Variants in DZIP3 observed in about 807,000 individuals in gnomAD.
DZIP3 encodes E3 ubiquitin-protein ligase DZIP3.
DZIP3 carries 118 observed loss-of-function variants against 162.0 expected under a neutral mutation model. That is an observed-to-expected ratio of 0.73 (90% CI 0.63 to 0.85). The LOEUF is 0.85. Ranked by LOEUF, DZIP3 falls within the 40% of genes least tolerant of loss-of-function variation. The pLI is 0.00. For missense variants in DZIP3, 1,331 were observed against 1,407.0 expected (o/e 0.95, Z 0.86); for synonymous variants, 438 against 458.6 (o/e 0.96, Z 0.57).
intron 3 of DZIP3, among the ~76,000 whole-genome samples, chr3:108,609,042 C>G (rs759563914): frequency 6.6e-6 from 1 of 152,062 alleles, no homozygotes; most frequent in African/African-American, 2.4e-5. Context: ...AGGTGCCACA[C>G]ACTTTTAAAC....
intron 18 of DZIP3, 36 bp downstream of exon 18, chr3:108,651,198 T>G: frequency 1.5e-6 from 1 of 685,036 alleles, no homozygotes; most frequent in Non-Finnish European, 2.0e-6. Flanking sequence ...AAATTTTTCT[T>G]AGTATTTTTA....
Position 108,648,941 on chromosome 3 carries a change from G to A in DZIP3, c.1986G>A (p.Lys662=), listed in dbSNP as rs1218638427. 1 of 1,163,768 alleles carries A rather than the reference G, an allele frequency of 8.6e-7. No homozygotes were observed. Among genetic ancestry groups the A allele is most frequent in the Non-Finnish European group, 1.1e-6 (1 of 877,916 alleles). 72.1% of individuals were successfully genotyped at this position (1,163,768 alleles called of 1,614,324 possible). The change falls in exon 17 of 33, where the codon AAG becomes AAA. Residue 662 remains lysine (K), a synonymous_variant. Transcript: ENST00000361582. Reference sequence around the variant, plus strand: ...AGGTTAAGAGTAAACAAAGGAAAAAGAAGAAGACTAAGAATAAAAAGGTAA... The same window carrying A: ...AGGTTAAGAGTAAACAAAGGAAAAAAAAGAAGACTAAGAATAAAAAGGTAA... ...LQEVKSKQRK[K]KKTKNKKNKD...
intron 1 of DZIP3, among the ~76,000 whole-genome samples, chr3:108,591,845 A>G (rs1013201101): frequency 4.6e-5 from 7 of 152,068 alleles, no homozygotes; most frequent in African/African-American, 7.2e-5. Context: ...AAAATGAAAA[A>G]ATTAGCCGGG....
At chr3:108,674,741 T>G (rs1164158051) in intron 24 of DZIP3, among the ~76,000 whole-genome samples, 1 of 151,964 alleles carries the variant, frequency 6.6e-6, no homozygotes, top group Non-Finnish European at 1.5e-5. Context: ...TTTCAAATAT[T>G]GAACAGGTTG....
At chr3:108,620,502 C>T (rs1359964636) in intron 5 of DZIP3, among the ~76,000 whole-genome samples, 18 of 152,178 alleles carry the variant, frequency 1.2e-4, no homozygotes, top group Admixed American at 1.2e-3. Context: ...AATGCCCAGG[C>T]TTGTATAGTT....
chr3:108,590,313 G>C (rs1939315440), intron 1 of DZIP3, among the ~76,000 whole-genome samples: 1 of 152,186 alleles, frequency 6.6e-6, no homozygotes, highest in Non-Finnish European at 1.5e-5. Context: ...TGTAGAAATT[G>C]TAAGAATAGG....
intron 1 of DZIP3, chr3:108,603,061 A>T (rs1470402199): frequency 6.6e-6 from 1 of 152,096 alleles, no homozygotes; most frequent in East Asian, 1.9e-4. Context: ...GTCCTCTCTT[A>T]TCTCATCACC....
At chr3:108,589,705 G>A, upstream of DZIP3, 1 of 234,168 alleles carries the variant, frequency 4.3e-6, no homozygotes, top group Non-Finnish European at 8.6e-6. Context: ...AATCGGTTAG[G>A]AGAAGGGGGA....
At chr3:108,674,378 TTTG>T (rs1451049380) in intron 24 of DZIP3, among the ~76,000 whole-genome samples, 197 bp downstream of exon 24, 3 of 151,926 alleles carry the variant, frequency 2.0e-5, no homozygotes, top group East Asian at 1.9e-4. Context: ...TGTTGTTGTT[TTTG>T]TTGTTGTTGT....
chr3:108,669,785 C>G (rs1283723407), intron 22 of DZIP3, 36 bp downstream of exon 22: 1 of 1,491,330 alleles, frequency 6.7e-7, no homozygotes, highest in East Asian at 2.3e-5. Flanking sequence ...TGCACTCTCT[C>G]TGAAACTGTA....
At chr3:108,678,019 T>C (rs1944173959) in intron 26 of DZIP3, among the ~76,000 whole-genome samples, 1 of 152,008 alleles carries the variant, frequency 6.6e-6, no homozygotes, top group Non-Finnish European at 1.5e-5. Flanking sequence ...TATGTACAGC[T>C]GCTCCCCATT....
intron 19 of DZIP3, among the ~76,000 whole-genome samples, chr3:108,658,366 T>C: frequency 6.6e-6 from 1 of 152,082 alleles, no homozygotes; most frequent in East Asian, 1.9e-4. Context: ...ACATGGAAAC[T>C]GAACAACCTG....
intron 1 of DZIP3, among the ~76,000 whole-genome samples, chr3:108,600,935 A>T (rs1056889136): frequency 8.5e-5 from 13 of 152,192 alleles, no homozygotes; most frequent in African/African-American, 3.1e-4. Flanking sequence ...ATGTGAAATT[A>T]ATAAACTTTC....
intron 4 of DZIP3, among the ~76,000 whole-genome samples, chr3:108,613,055 A>G (rs1163742601): frequency 1.3e-5 from 2 of 152,158 alleles, no homozygotes; most frequent in East Asian, 1.9e-4. Flanking sequence ...GTACCTAAGC[A>G]CTGATTGTAC....
intron 3 of DZIP3, among the ~76,000 whole-genome samples, chr3:108,608,947 C>T (rs114966217): frequency 6.6e-6 from 1 of 152,076 alleles, no homozygotes; most frequent in African/African-American, 2.4e-5. Context: ...GGGTAGTCCT[C>T]AAGAAACTTA....
intron 19 of DZIP3, among the ~76,000 whole-genome samples, chr3:108,659,314 A>C (rs13087949): frequency 0.36 from 54,636 of 151,856 alleles, 10,371 homozygotes; most frequent in East Asian, 0.53. Flanking sequence ...GGGCTTCATC[A>C]CTGGGATGCA....
At chr3:108,631,056 C>CACACACACA (rs1385172484) in intron 8 of DZIP3, among the ~76,000 whole-genome samples, 6 of 28,992 alleles carry the variant, frequency 2.1e-4, no homozygotes, top group Admixed American at 4.1e-4. Flanking sequence ...CACACACACA[C>CACACACACA]TCTCTCTCTC....
rs1944777361 is a variant in DZIP3, at chr3:108,693,476, GT to G, written c.*125del. 1 of 152,144 alleles carries G rather than the reference GT, an allele frequency of 6.6e-6. No individual in the cohort carries two copies. The highest frequency in any genetic ancestry group is 2.4e-5 in the African/African-American group (1 of 41,426). 9.4% of individuals were successfully genotyped at this position (152,144 alleles called of 1,614,324 possible). ...TTAGTTTGAGGAATTTTGTGAGACA[GT>G]TGTCAAATTGTTGCTAGCTTGAAAT... On this transcript the variant is annotated 3_prime_UTR_variant, in exon 33 of 33. Transcript: ENST00000361582.
intron 3 of DZIP3, among the ~76,000 whole-genome samples, chr3:108,610,061 C>A (rs950576334): frequency 1.3e-5 from 2 of 152,040 alleles, no homozygotes; most frequent in Non-Finnish European, 2.9e-5. Flanking sequence ...AAATTTCAAA[C>A]CTTTAGAAAG....
Sources: gnomAD v4.1 joint callset for allele counts (sites outside exome capture counted in the v4.1 genomes callset) on GRCh38, gnomAD v4.1.1 for gene constraint, MANE v1.5 for transcripts, NCBI Gene and HGNC (gene_info 2026-07-23, HGNC 2026-07-21) for gene names.